SSU72: variants seen among roughly 807,000 people sequenced by gnomAD.
SSU72 encodes the protein SSU72 homolog, RNA polymerase II CTD phosphatase, also known as RNA polymerase II subunit A C-terminal domain phosphatase SSU72.
Under a neutral mutation model 22.7 loss-of-function variants are expected in SSU72, and 12 were observed. The ratio of observed to expected loss-of-function variants is 0.53; its 90% CI spans 0.34 to 0.86. SSU72 has a LOEUF of 0.86. Ranked by LOEUF, SSU72 falls within the 40% of genes least tolerant of loss-of-function variation. The probability of loss-of-function intolerance (pLI) is 0.02; values close to 1 mark genes in which losing one functional copy is unlikely to be tolerated. For missense variants in SSU72, 151 were observed against 249.8 expected (o/e 0.60, Z 2.67); for synonymous variants, 116 against 98.3 (o/e 1.18, Z -1.06).
rs1027213889 is a variant in SSU72 at position 1,542,387 on chromosome 1, AAGCTGGGAGG to A, written c.484-230_484-221del. Among the ~76,000 whole-genome samples the A allele has an allele frequency of 5.3e-5, 8 of 152,088 alleles. No homozygotes were observed. The highest frequency in any genetic ancestry group is 1.7e-4 in the African/African-American group (7 of 41,412). On this transcript the variant is annotated intron_variant, in intron 4 of 4. Transcript: ENST00000291386. This position sits in a 1 kb window ranked among gnomAD's most constrained non-coding sequence, Gnocchi z 4.4. ...TCCCCACCGACCCTCACAGGACCTGAAGCTGGGAGGAGCTGGGAGGAGCCTGGAGCTGGAT... is the reference window on the plus strand; with the variant it reads ...TCCCCACCGACCCTCACAGGACCTGAAGCTGGGAGGAGCCTGGAGCTGGAT...
chr1:1,565,514 C>T (rs1474351026), intron 1 of SSU72, among the ~76,000 whole-genome samples: 1 of 152,244 alleles, frequency 6.6e-6, no homozygotes, highest in African/African-American at 2.4e-5. Flanking sequence ...CATCGACCAA[C>T]GTCCTGGCTT....
intron 1 of SSU72, among the ~76,000 whole-genome samples, chr1:1,571,326 G>A (rs1642729128): frequency 6.8e-6 from 1 of 146,378 alleles, no homozygotes; most frequent in Non-Finnish European, 1.5e-5. Context: ...CCAGCTACTC[G>A]GAGGGTTTGA....
Position 1,574,661 on chromosome 1 carries a change from G to T in SSU72, c.-104C>A, listed in dbSNP as rs1366357268. 9 of 1,189,100 alleles carry T rather than the reference G, an allele frequency of 7.6e-6. No individual in the cohort carries two copies. Among genetic ancestry groups the T allele is most frequent in the Admixed American group, 6.2e-5 (2 of 32,258 alleles). The allele number at this position is 1,189,100 out of a possible 1,614,324, so 73.7% of individuals were successfully genotyped here. On this transcript the variant is annotated 5_prime_UTR_variant, in exon 1 of 5. Coordinates refer to ENST00000291386, the MANE Select transcript of SSU72 (RefSeq NM_014188.3). ...GCCGCGGTGGCCGGAAGCGGGCGACGCGAAACGACGGCGCCGGCGGTGTAG... is the reference window on the plus strand; with the variant it reads ...GCCGCGGTGGCCGGAAGCGGGCGACTCGAAACGACGGCGCCGGCGGTGTAG...
intron 2 of SSU72, among the ~76,000 whole-genome samples, chr1:1,560,258 C>G (rs906956824): frequency 1.3e-4 from 20 of 152,196 alleles, no homozygotes; most frequent in African/African-American, 4.3e-4. Context: ...AATCACAGCT[C>G]AGTGAAGCCT....
chr1:1,565,753 G>A (rs573204058), intron 1 of SSU72, among the ~76,000 whole-genome samples: 1 of 65,026 alleles, frequency 1.5e-5, no homozygotes, highest in Non-Finnish European at 2.4e-5. Flanking sequence ...CCTAGTCACA[G>A]GTGAGGAAAC....
At chr1:1,545,327 G>A (rs1329771467) in intron 2 of SSU72, 11 of 290,928 alleles carry the variant, frequency 3.8e-5, no homozygotes, top group Non-Finnish European at 7.0e-5. Context: ...CTGCTGGCCC[G>A]GCCCAAGCTG....
At chr1:1,565,705 T>C (rs12742689) in intron 1 of SSU72, among the ~76,000 whole-genome samples, 1,225 of 49,032 alleles carry the variant, frequency 0.025, no homozygotes, top group East Asian at 0.17. Flanking sequence ...AGAGAACAGA[T>C]GCCGCGATGG....
chr1:1,570,065 G>A (rs1642709304), intron 1 of SSU72, among the ~76,000 whole-genome samples: 1 of 152,000 alleles, frequency 6.6e-6, no homozygotes, highest in Admixed American at 6.6e-5. Flanking sequence ...ATCACACAGA[G>A]TTTCTGAGTA....
chr1:1,547,078 T>C (rs1642399634), intron 2 of SSU72, among the ~76,000 whole-genome samples: 1 of 152,080 alleles, frequency 6.6e-6, no homozygotes, highest in African/African-American at 2.4e-5. Flanking sequence ...CCTTGTTGTG[T>C]GCAGCCACAT....
At chr1:1,565,738 G>GGAACCGAGACCCAACACCC (rs1311755433) in intron 1 of SSU72, among the ~76,000 whole-genome samples, 5 of 152,134 alleles carry the variant, frequency 3.3e-5, no homozygotes, top group African/African-American at 9.7e-5. Context: ...TTGTTCCTTG[G>GGAACCGAGACCCAACACCC]ACTTCCTAGT....
intron 2 of SSU72, among the ~76,000 whole-genome samples, chr1:1,549,751 G>C (rs1375113326): frequency 2.0e-5 from 3 of 151,930 alleles, no homozygotes; most frequent in Non-Finnish European, 4.4e-5. Context: ...GAGGCGGGTG[G>C]ATCACAAGGT....
intron 2 of SSU72, chr1:1,561,781 C>T (rs1476894095): frequency 3.9e-5 from 6 of 152,210 alleles, no homozygotes; most frequent in Non-Finnish European, 8.8e-5. Flanking sequence ...CAAAGACGCC[C>T]CCCGAGTGAA....
rs1055213377 is a variant in SSU72, at chr1:1,551,031, A to G, written c.225-6029T>C. The stretch of plus-strand genomic sequence containing the variant: ...CCCCAGGCTGCCCGGGCCTTCAACA[A>G]CCTCTACAGGGCAGAGCAGGCCTGG... On this transcript the variant is annotated intron_variant, in intron 2 of 4. Coordinates refer to ENST00000291386, the MANE Select transcript of SSU72 (RefSeq NM_014188.3). Among the ~76,000 whole-genome samples the G allele has an allele frequency of 5.3e-5, 8 of 152,098 alleles. 1 individual carries two copies. Among genetic ancestry groups the G allele is most frequent in the East Asian group, 1.9e-4 (1 of 5,170 alleles).
chr1:1,569,649 T>C (rs1254408209), intron 1 of SSU72, among the ~76,000 whole-genome samples: 2 of 152,258 alleles, frequency 1.3e-5, no homozygotes, highest in East Asian at 1.9e-4. Flanking sequence ...ATGACAGGCA[T>C]GTGCAACCAC....
At chr1:1,543,799 T>C (rs368830737) in intron 4 of SSU72, 70 bp downstream of exon 4, 1 of 1,256,280 alleles carries the variant, frequency 8.0e-7, no homozygotes, top group South Asian at 1.2e-5. Context: ...GCCACTCCCC[T>C]CTGTCACGGC....
chr1:1,548,379 A>C (rs1413459015), intron 2 of SSU72, among the ~76,000 whole-genome samples: 3 of 152,186 alleles, frequency 2.0e-5, no homozygotes, highest in African/African-American at 7.2e-5. Context: ...CAATATGGTG[A>C]AACTCATCTA....
At chr1:1,549,760 G>T (rs1315011345) in intron 2 of SSU72, among the ~76,000 whole-genome samples, 1 of 151,472 alleles carries the variant, frequency 6.6e-6, no homozygotes, top group Non-Finnish European at 1.5e-5. Flanking sequence ...GGATCACAAG[G>T]TCAGGAGATC....
chr1:1,552,947 C>T (rs1473586023), intron 2 of SSU72, among the ~76,000 whole-genome samples: 3 of 147,600 alleles, frequency 2.0e-5, no homozygotes, highest in Admixed American at 6.9e-5. Context: ...ATTGAACCCA[C>T]GAGGCGGAGG....
At chr1:1,543,797 C>T in intron 4 of SSU72, 72 bp downstream of exon 4, 1 of 1,306,218 alleles carries the variant, frequency 7.7e-7, no homozygotes, top group Non-Finnish European at 1.1e-6. Flanking sequence ...CGGCCACTCC[C>T]CTCTGTCACG....
Sources: gnomAD v4.1 joint callset for allele counts (sites outside exome capture counted in the v4.1 genomes callset) on GRCh38, gnomAD v4.1.1 for gene constraint, Gnocchi (gnomAD v3.1) non-coding constraint, MANE v1.5 for transcripts, NCBI Gene and HGNC (gene_info 2026-07-23, HGNC 2026-07-21) for gene names.